The following GNAI1 variants were observed in gnomAD, a reference collection of about 807,000 sequenced individuals.
GNAI1 encodes the protein G protein subunit alpha i1.
Under a neutral mutation model 38.9 loss-of-function variants are expected in GNAI1, and 11 were observed. That is an observed-to-expected ratio of 0.28 (90% CI 0.18 to 0.47). GNAI1 has a LOEUF of 0.47. GNAI1 is among the 20% of genes least tolerant of loss of function. The pLI, the probability that GNAI1 is intolerant of heterozygous loss-of-function variation, is 0.99. For missense variants in GNAI1, 317 were observed against 436.9 expected (o/e 0.73, Z 2.45); for synonymous variants, 166 against 145.1 (o/e 1.14, Z -1.04).
At chr7:80,200,795 G>A (rs981009903) in intron 4 of GNAI1, among the ~76,000 whole-genome samples, 5 of 151,912 alleles carry the variant, frequency 3.3e-5, no homozygotes, top group African/African-American at 9.7e-5. Flanking sequence ...GTATTATTAC[G>A]TGGTTTATAC....
At chr7:80,154,372 G>T (rs1787781051) in intron 1 of GNAI1, among the ~76,000 whole-genome samples, 2 of 152,156 alleles carry the variant, frequency 1.3e-5, no homozygotes, top group African/African-American at 4.8e-5. Flanking sequence ...GGTGAATTTT[G>T]TACTTGGTGT....
chr7:80,181,572 C>G (rs887606571), intron 1 of GNAI1, among the ~76,000 whole-genome samples: 1 of 152,136 alleles, frequency 6.6e-6, no homozygotes. Context: ...TTCAGTTAGC[C>G]GAATGGTCTA....
At chr7:80,174,620 T>C (rs1001538249) in intron 1 of GNAI1, among the ~76,000 whole-genome samples, 7 of 152,058 alleles carry the variant, frequency 4.6e-5, no homozygotes, top group African/African-American at 1.4e-4. Flanking sequence ...GTTTTGGGGC[T>C]TTTTATTTTA....
rs1789031405 is a variant in GNAI1, at chr7:80,219,282, A to G, written c.*1789A>G. The G allele has an allele frequency of 6.6e-6, 1 of 152,632 alleles. No individual in the cohort carries two copies. The highest frequency in any genetic ancestry group is 2.4e-5 in the African/African-American group (1 of 41,452). 9.5% of individuals were successfully genotyped at this position (152,632 alleles called of 1,614,324 possible). A position where few individuals can be genotyped will look rare whatever the true frequency, so the allele number is the denominator to read the frequency against. The stretch of plus-strand genomic sequence containing the variant: ...ATAATATGAATAAATTTGAATCATG[A>G]GAATTATGGGTTAAAAAGCCACAAA... On this transcript the variant is annotated 3_prime_UTR_variant, in exon 8 of 8. Transcript: ENST00000649796.
At chr7:80,150,944 T>A (rs1247131292) in intron 1 of GNAI1, among the ~76,000 whole-genome samples, 1 of 152,192 alleles carries the variant, frequency 6.6e-6, no homozygotes, top group African/African-American at 2.4e-5. Flanking sequence ...TCAGTCTATA[T>A]CAGTCCTCCA....
intron 7 of GNAI1, among the ~76,000 whole-genome samples, chr7:80,214,573 A>C (rs1788928538): frequency 6.6e-6 from 1 of 152,206 alleles, no homozygotes; most frequent in Admixed American, 6.5e-5. Flanking sequence ...GAATCTTTGC[A>C]CAAAAAGAAT....
intron 3 of GNAI1, among the ~76,000 whole-genome samples, chr7:80,198,840 A>G (rs1788628980): frequency 6.6e-6 from 1 of 152,338 alleles, no homozygotes; most frequent in African/African-American, 2.4e-5. Context: ...CTTAGTTTAG[A>G]AAACATTTTG....
chr7:80,136,080 C>T (rs1562819136), intron 1 of GNAI1: 2 of 979,198 alleles, frequency 2.0e-6, no homozygotes, highest in East Asian at 1.1e-4. Flanking sequence ...CAGGTACACG[C>T]AAGGCTTTTA....
At chr7:80,167,090 A>T (rs1788022834) in intron 1 of GNAI1, among the ~76,000 whole-genome samples, 1 of 152,244 alleles carries the variant, frequency 6.6e-6, no homozygotes, top group African/African-American at 2.4e-5. Context: ...TCACCTGAGA[A>T]CCATTGGTGG....
chr7:80,138,064 C>G (rs537844603), intron 1 of GNAI1, among the ~76,000 whole-genome samples: 2 of 152,248 alleles, frequency 1.3e-5, no homozygotes, highest in East Asian at 3.9e-4. Context: ...TTCTAGGTAA[C>G]GTATAACCAG....
intron 5 of GNAI1, among the ~76,000 whole-genome samples, chr7:80,210,668 A>G (rs1435924926): frequency 1.3e-5 from 2 of 149,826 alleles, no homozygotes; most frequent in Non-Finnish European, 1.5e-5. Context: ...ATTTGCTTTA[A>G]TGTTCTAAGT....
intron 1 of GNAI1, among the ~76,000 whole-genome samples, chr7:80,168,119 C>A (rs1788042781): frequency 6.6e-6 from 1 of 152,150 alleles, no homozygotes; most frequent in Non-Finnish European, 1.5e-5. Flanking sequence ...TTAGCTGACT[C>A]CATGAGAACT....
At chr7:80,167,840 A>G (rs1004109847) in intron 1 of GNAI1, among the ~76,000 whole-genome samples, 1 of 152,214 alleles carries the variant, frequency 6.6e-6, no homozygotes, top group Non-Finnish European at 1.5e-5. Flanking sequence ...GAAAAAGTCA[A>G]CACATATCAA....
At chr7:80,208,263 T>C (rs1484684659) in intron 5 of GNAI1, among the ~76,000 whole-genome samples, 2 of 152,162 alleles carry the variant, frequency 1.3e-5, no homozygotes, top group Non-Finnish European at 2.9e-5. Flanking sequence ...ATATTTTTGC[T>C]CTTTTTAAAT....
chr7:80,216,721 G>C (rs1039373977), intron 7 of GNAI1, among the ~76,000 whole-genome samples: 1 of 152,120 alleles, frequency 6.6e-6, no homozygotes, highest in Non-Finnish European at 1.5e-5. Context: ...TGGAGTGTTT[G>C]TACTCAGAGG....
chr7:80,139,187 T>C (rs1393729102), intron 1 of GNAI1, among the ~76,000 whole-genome samples: 1 of 152,176 alleles, frequency 6.6e-6, no homozygotes, highest in Non-Finnish European at 1.5e-5. Flanking sequence ...GAATTGCTGA[T>C]TTTTTTCTGT....
chr7:80,192,757 A>G (rs912422570), intron 3 of GNAI1, among the ~76,000 whole-genome samples: 4 of 151,996 alleles, frequency 2.6e-5, no homozygotes, highest in Admixed American at 2.6e-4. Flanking sequence ...GTGCAGGAGC[A>G]TGATCTCAGC....
chr7:80,177,104 C>T lies in GNAI1; in HGVS notation c.119-11847C>T, dbSNP rs192125276. Among the ~76,000 whole-genome samples the T allele has an allele frequency of 6.3e-3, 867 of 136,964 alleles. 7 individuals carry two copies. Among genetic ancestry groups the T allele is most frequent in the Middle Eastern group, 0.045 (9 of 198 alleles). The allele number at this position is 136,964 out of a possible 152,430, so 89.9% of individuals were successfully genotyped here. A position where few individuals can be genotyped will look rare whatever the true frequency, so the allele number is the denominator to read the frequency against. ...GGAGTGTAGTGGCACAATCTTGGCTCACTGCAAGCTCCGCCTCCCGGGTTC... is the reference window on the plus strand; with the variant it reads ...GGAGTGTAGTGGCACAATCTTGGCTTACTGCAAGCTCCGCCTCCCGGGTTC... On this transcript the variant is annotated intron_variant, in intron 1 of 7. Coordinates refer to ENST00000649796, the MANE Select transcript of GNAI1 (RefSeq NM_002069.6).
At position 80,135,113 on chromosome 7, in the gene GNAI1, C is replaced by G. The variant is rs1471236798; in HGVS notation, c.-48C>G. ...AAAGGATTCCCCTGTGCTTGGAGCCCGCACTCGGGCGCGGAGGGAGCGGCG... is the reference window on the plus strand; with the variant it reads ...AAAGGATTCCCCTGTGCTTGGAGCCGGCACTCGGGCGCGGAGGGAGCGGCG... On this transcript the variant is annotated 5_prime_UTR_variant, in exon 1 of 8. Transcript: ENST00000649796. The G allele has an allele frequency of 2.6e-5, 34 of 1,304,248 alleles. No homozygotes were observed. The highest frequency in any genetic ancestry group is 3.5e-5 in the Non-Finnish European group (34 of 969,246). 80.8% of individuals were successfully genotyped at this position (1,304,248 alleles called of 1,614,324 possible). A position where few individuals can be genotyped will look rare whatever the true frequency, so the allele number is the denominator to read the frequency against.
Sources: gnomAD v4.1 joint callset for allele counts (sites outside exome capture counted in the v4.1 genomes callset) on GRCh38, gnomAD v4.1.1 for gene constraint, MANE v1.5 for transcripts, NCBI Gene and HGNC (gene_info 2026-07-23, HGNC 2026-07-21) for gene names.